Variants in TP63 observed in about 807,000 individuals in gnomAD.
The protein encoded by TP63 is tumor protein 63.
Under a neutral mutation model 82.8 loss-of-function variants are expected in TP63, and 17 were observed. The observed-to-expected ratio is 0.21, with a 90% CI of 0.14 to 0.31. The LOEUF is 0.31. Ranked by LOEUF, TP63 falls within the 10% of genes least tolerant of loss-of-function variation. TP63 has a pLI of 1.00. For synonymous variants in TP63, 330 were observed against 321.7 expected (o/e 1.03, Z -0.28); for missense variants, 648 against 895.3 (o/e 0.72, Z 3.52).
At chr3:189,691,088 G>A (rs1432719803) in intron 1 of TP63, among the ~76,000 whole-genome samples, 2 of 152,074 alleles carry the variant, frequency 1.3e-5, no homozygotes, top group African/African-American at 4.8e-5. Context: ...TGTAATCCCA[G>A]CACTTTGCAA....
intron 3 of TP63, among the ~76,000 whole-genome samples, chr3:189,750,268 A>G (rs1303049710): frequency 6.6e-6 from 1 of 152,210 alleles, no homozygotes; most frequent in Non-Finnish European, 1.5e-5. Context: ...TAAAAAATTT[A>G]TCTCATGGAA....
chr3:189,880,410 C>T (rs1248907229), intron 10 of TP63: 21 of 1,126,052 alleles, frequency 1.9e-5, no homozygotes, highest in South Asian at 8.2e-5. Context: ...ATCCTTAGAC[C>T]GGCCATTGGT....
In TP63 at chr3:189,896,330, C is replaced by T. The variant is rs149875270; in HGVS notation, c.*1828C>T. ...GGATAGTGGGATTTCCAGAACCACACTTGAAACCTTTTTTTATCGTTTTTG... is the reference window on the plus strand; with the variant it reads ...GGATAGTGGGATTTCCAGAACCACATTTGAAACCTTTTTTTATCGTTTTTG... On this transcript the variant is annotated 3_prime_UTR_variant, in exon 14 of 14. Transcript: ENST00000264731. 9.5e-6 allele frequency: 2 copies of T among 210,810 alleles called. No individual in the cohort carries two copies. The highest frequency in any genetic ancestry group is 1.4e-4 in the East Asian group (2 of 14,072). The allele number at this position is 210,810 out of a possible 1,614,324, so 13.1% of individuals were successfully genotyped here. A position where few individuals can be genotyped will look rare whatever the true frequency, so the allele number is the denominator to read the frequency against.
At chr3:189,706,307 A>G (rs552481626) in intron 1 of TP63, among the ~76,000 whole-genome samples, 2 of 151,886 alleles carry the variant, frequency 1.3e-5, no homozygotes, top group Non-Finnish European at 2.9e-5. Flanking sequence ...CCCAGGCTGG[A>G]GTACAGTGGC....
At chr3:189,873,129 A>G (rs2108819295) in intron 10 of TP63, 134 bp downstream of exon 10, 1 of 1,380,462 alleles carries the variant, frequency 7.2e-7, no homozygotes, top group Non-Finnish European at 1.0e-6. Context: ...ATGACCTGGT[A>G]TGGCAACCCT....
At chr3:189,882,867 G>A (rs978236230) in intron 10 of TP63, among the ~76,000 whole-genome samples, 4 of 152,134 alleles carry the variant, frequency 2.6e-5, no homozygotes, top group Non-Finnish European at 5.9e-5. Context: ...TTAAGAACTG[G>A]GACTTGGCTC....
intron 10 of TP63, among the ~76,000 whole-genome samples, chr3:189,883,646 A>G (rs1427791230): frequency 6.6e-6 from 1 of 152,206 alleles, no homozygotes; most frequent in Middle Eastern, 3.2e-3. Flanking sequence ...CATTCTTAAT[A>G]GAAATCTTCT....
chr3:189,680,775 T>C (rs188273324), intron 1 of TP63, among the ~76,000 whole-genome samples: 175 of 152,228 alleles, frequency 1.1e-3, no homozygotes, highest in Non-Finnish European at 1.8e-4. Flanking sequence ...CTGGAGCCTG[T>C]GTCTATGGAG....
chr3:189,861,300 C>T (rs1203756919), intron 4 of TP63, among the ~76,000 whole-genome samples: 1 of 152,134 alleles, frequency 6.6e-6, no homozygotes, highest in Non-Finnish European at 1.5e-5. Flanking sequence ...TGGCCTTCAG[C>T]TCAATCCATG....
chr3:189,708,337 A>G (rs1418366291), intron 1 of TP63, among the ~76,000 whole-genome samples: 1 of 152,232 alleles, frequency 6.6e-6, no homozygotes, highest in Non-Finnish European at 1.5e-5. Flanking sequence ...AGTTTCAAAG[A>G]AACCACAATC....
chr3:189,894,406 C>T lies in TP63; in HGVS notation c.1947C>T (p.Thr649=), dbSNP rs775881182. ...IDAVRFTLRQ[T]ISFPPRDEWN... ...CTGTGCGATTCACCCTCCGCCAGAC[C>T]ATCTCTTTCCCACCCCGAGATGAGT... The change falls in exon 14 of 14, where the codon ACC becomes ACT. Residue 649 remains threonine (T), a synonymous_variant. Transcript: ENST00000264731. The T allele has an allele frequency of 6.2e-7, 1 of 1,614,076 alleles. No homozygotes were observed. The highest frequency in any genetic ancestry group is 1.3e-5 in the African/African-American group (1 of 75,020).
Position 189,777,845 on chromosome 3 carries a change from C to CTTTTTTT in TP63, c.325-30405_325-30399dup, listed in dbSNP as rs55731981. Among the ~76,000 whole-genome samples the CTTTTTTT allele has an allele frequency of 2.2e-3, 85 of 37,794 alleles. 2 individuals are homozygous for CTTTTTTT. The highest frequency in any genetic ancestry group is 0.023 in the Middle Eastern group (1 of 44). The allele number at this position is 37,794 out of a possible 152,430, so 24.8% of individuals were successfully genotyped here. On this transcript the variant is annotated intron_variant, in intron 3 of 13. Transcript: ENST00000264731. The stretch of plus-strand genomic sequence containing the variant: ...GAGTCTTCTTCTTCTTCTTCTTCTT[C>CTTTTTTT]TTTTTTTTTTTTTTTTTTTTTTTTT...
intron 4 of TP63, among the ~76,000 whole-genome samples, chr3:189,848,653 T>C (rs1188539460): frequency 6.6e-6 from 1 of 152,222 alleles, no homozygotes; most frequent in East Asian, 1.9e-4. Context: ...CTACAGAAAT[T>C]CTGTAATTAG....
At position 189,777,822 on chromosome 3, in the gene TP63, G is replaced by GTCT. The variant is rs1317783097; in HGVS notation, c.325-30427_325-30425dup. 1.4e-3 allele frequency among the ~76,000 whole-genome samples: 146 copies of GTCT among 103,110 alleles called. 2 individuals are homozygous for GTCT. The highest frequency in any genetic ancestry group is 4.4e-3 in the African/African-American group (107 of 24,524). The allele number at this position is 103,110 out of a possible 152,430, so 67.6% of individuals were successfully genotyped here. A position where few individuals can be genotyped will look rare whatever the true frequency, so the allele number is the denominator to read the frequency against. On this transcript the variant is annotated intron_variant, in intron 3 of 13. Transcript: ENST00000264731. The stretch of plus-strand genomic sequence containing the variant: ...GAGGAAGTCTTTGGACAGATGCTGA[G>GTCT]TCTTCTTCTTCTTCTTCTTCTTCTT...
chr3:189,754,445 T>C (rs992394968), intron 3 of TP63, among the ~76,000 whole-genome samples: 7 of 152,280 alleles, frequency 4.6e-5, no homozygotes, highest in Admixed American at 3.3e-4. Context: ...GATCTTTAAA[T>C]AGATATTAAA....
intron 4 of TP63, chr3:189,844,203 G>T (rs776555739): frequency 9.2e-5 from 33 of 357,210 alleles, no homozygotes; most frequent in Non-Finnish European, 1.6e-4. Context: ...ACAGAGTCTC[G>T]CCTTGTCTCC....
intron 4 of TP63, among the ~76,000 whole-genome samples, chr3:189,812,136 C>T (rs981470583): frequency 1.3e-5 from 2 of 152,038 alleles, no homozygotes; most frequent in African/African-American, 4.8e-5. Flanking sequence ...ACTTGCAATC[C>T]TTTTATGTCA....
intron 1 of TP63, among the ~76,000 whole-genome samples, chr3:189,652,735 A>G (rs2108638596): frequency 6.8e-6 from 1 of 146,958 alleles, no homozygotes; most frequent in South Asian, 2.2e-4. Flanking sequence ...GGGAGGGATC[A>G]GGTGGAGATA....
rs543156259 is a variant in TP63, at chr3:189,652,493, G to C, written c.62+20916G>C. Among the ~76,000 whole-genome samples, 581 of 146,958 alleles carry C rather than the reference G, an allele frequency of 4.0e-3. 57 individuals carry two copies. The highest frequency in any genetic ancestry group is 0.014 in the African/African-American group (562 of 39,200). On this transcript the variant is annotated intron_variant, in intron 1 of 13. Coordinates refer to ENST00000264731, the MANE Select transcript of TP63 (RefSeq NM_003722.5). ...TAACTAGCTTGCTTTTAATTTTACAGGCTCATAGGCAGAAGGGACTTGCCT... is the reference window on the plus strand; with the variant it reads ...TAACTAGCTTGCTTTTAATTTTACACGCTCATAGGCAGAAGGGACTTGCCT...
Sources: allele counts gnomAD v4.1 joint callset (sites outside exome capture counted in the v4.1 genomes callset), GRCh38; gene constraint gnomAD v4.1.1; transcripts MANE v1.5; gene names NCBI Gene and HGNC (gene_info 2026-07-23, HGNC 2026-07-21).